Variants in CDK1 observed in about 807,000 individuals in gnomAD.
CDK1 encodes the protein cyclin-dependent kinase 1.
Under a neutral mutation model 34.6 loss-of-function variants are expected in CDK1, and 5 were observed. The ratio of observed to expected loss-of-function variants is 0.14; its 90% CI spans 0.08 to 0.30. The LOEUF (loss-of-function observed/expected upper bound fraction) is 0.30. Ranked by LOEUF, CDK1 falls within the 10% of genes least tolerant of loss-of-function variation. CDK1 has a pLI of 1.00. For missense variants in CDK1, 157 were observed against 345.7 expected (o/e 0.45, Z 4.33); for synonymous variants, 108 against 114.7 (o/e 0.94, Z 0.37).
At chr10:60,785,841 T>A in intron 4 of CDK1, 54 bp downstream of exon 4, 1 of 1,447,966 alleles carries the variant, frequency 6.9e-7, no homozygotes. Context: ...ATAAAGGGAC[T>A]ATATATAGAA....
chr10:60,782,452 G>A (rs1197099650), intron 2 of CDK1, among the ~76,000 whole-genome samples: 4 of 152,152 alleles, frequency 2.6e-5, no homozygotes, highest in Middle Eastern at 3.4e-3. Context: ...TCTGAGTGTT[G>A]TGATACTAAT....
rs1347883690 is a variant in CDK1 at position 60,778,500 on chromosome 10, C to T, written c.-96C>T. The T allele has an allele frequency of 1.3e-5, 2 of 152,446 alleles. No homozygotes were observed. The highest frequency in any genetic ancestry group is 2.9e-5 in the Non-Finnish European group (2 of 68,224). The allele number at this position is 152,446 out of a possible 1,614,324, so 9.4% of individuals were successfully genotyped here. On this transcript the variant is annotated 5_prime_UTR_variant, in exon 1 of 8. Transcript: ENST00000395284. ...CTCGCACTTGGCTTCAAAGCTGGCT[C>T]TTGGAAATTGAGCGGAGAGCGACGC...
In CDK1 at chr10:60,794,257, C is replaced by G. The variant is rs1022282603; in HGVS notation, c.*282C>G. On this transcript the variant is annotated 3_prime_UTR_variant, in exon 8 of 8. Transcript: ENST00000395284. ...GGAAAAAATTTGAGTTGGCTTAAAT[C>G]ATCTCAGTCCTTATGGCAGTTTTAT... The G allele has an allele frequency of 2.9e-5, 6 of 208,972 alleles. No individual in the cohort carries two copies. The South Asian group carries it at 9.7e-4, about 34-fold the overall frequency. The allele number at this position is 208,972 out of a possible 1,614,324, so 12.9% of individuals were successfully genotyped here.
intron 5 of CDK1, among the ~76,000 whole-genome samples, chr10:60,790,478 C>T (rs1394238042): frequency 6.6e-6 from 1 of 152,198 alleles, no homozygotes; most frequent in Non-Finnish European, 1.5e-5. Context: ...AACTCCTGGG[C>T]TCATGCAATC....
chr10:60,778,920 G>T (rs1011831013), intron 1 of CDK1, among the ~76,000 whole-genome samples: 1 of 152,202 alleles, frequency 6.6e-6, no homozygotes, highest in Non-Finnish European at 1.5e-5. Context: ...CACGCTGAGC[G>T]CCTGCGGAGT....
intron 2 of CDK1, among the ~76,000 whole-genome samples, chr10:60,781,684 G>C (rs2080274437): frequency 6.6e-6 from 1 of 152,150 alleles, no homozygotes; most frequent in Non-Finnish European, 1.5e-5. Flanking sequence ...TGTATCCTGT[G>C]ATTTGGCCTA....
chr10:60,785,630 CT>C (rs764281223), intron 3 of CDK1, 33 bp from the exon 4 acceptor site: 1 of 1,373,782 alleles, frequency 7.3e-7, no homozygotes, highest in East Asian at 2.3e-5. Context: ...AAAATGTTTG[CT>C]GGATTCTTCT....
chr10:60,784,304 A>G (rs1288379967), intron 2 of CDK1, among the ~76,000 whole-genome samples: 1 of 152,158 alleles, frequency 6.6e-6, no homozygotes, highest in Non-Finnish European at 1.5e-5. Flanking sequence ...CATTTCTATC[A>G]TGTGACCCTT....
At chr10:60,792,470 G>T (rs1375494301) in intron 7 of CDK1, among the ~76,000 whole-genome samples, 181 bp downstream of exon 7, 1 of 152,022 alleles carries the variant, frequency 6.6e-6, no homozygotes, top group Non-Finnish European at 1.5e-5. Flanking sequence ...TTGAGAGGAG[G>T]ATTTAGCATT....
intron 1 of CDK1, among the ~76,000 whole-genome samples, chr10:60,778,924 G>A (rs776730358): frequency 4.6e-5 from 7 of 152,202 alleles, no homozygotes; most frequent in Non-Finnish European, 8.8e-5. Context: ...CTGAGCGCCT[G>A]CGGAGTAGCA....
rs2080358637 is a variant in CDK1 at position 60,791,389 on chromosome 10, T to C, written c.490-501T>C. ...ATACTGCAACTTTGTTAATCAGTTC[T>C]AAGAGTTTTTGGTGGAGTCTTTTAA... On this transcript the variant is annotated intron_variant, in intron 5 of 7. Transcript: ENST00000395284. 2.0e-5 allele frequency among the ~76,000 whole-genome samples: 3 copies of C among 152,286 alleles called. No individual in the cohort carries two copies. The South Asian group carries it at 6.2e-4, about 32-fold the overall frequency.
At chr10:60,780,005 G>T in intron 1 of CDK1, 136 bp from the exon 2 acceptor site, 1 of 636,324 alleles carries the variant, frequency 1.6e-6, no homozygotes. Context: ...AATATTGTTT[G>T]AATGTAATTA....
At position 60,794,559 on chromosome 10, in the gene CDK1, A is replaced by C. The variant is rs774914349; in HGVS notation, c.*584A>C. ...TAACTTAAAAAGCTAACATGAGAGC[A>C]TGCCAAAATTTGCTAAGTCTTACAA... On this transcript the variant is annotated 3_prime_UTR_variant, in exon 8 of 8. Coordinates refer to ENST00000395284, the MANE Select transcript of CDK1 (RefSeq NM_001786.5). 1 of 152,190 alleles carries C rather than the reference A, an allele frequency of 6.6e-6. No homozygotes were observed. Among genetic ancestry groups the C allele is most frequent in the African/African-American group, 2.4e-5 (1 of 41,464 alleles). The allele number at this position is 152,190 out of a possible 1,614,324, so 9.4% of individuals were successfully genotyped here. A position where few individuals can be genotyped will look rare whatever the true frequency, so the allele number is the denominator to read the frequency against.
chr10:60,784,769 A>G lies in CDK1; in HGVS notation c.102A>G (p.Lys34=). ...CAGGTCAAGTGGTAGCCATGAAAAA[A>G]ATCAGACTAGAAAGTGAAGAGGAAG... ...KTTGQVVAMK[K]IRLESEEEGV... is the part of the protein sequence containing the mutation. The change falls in exon 3 of 8, where the codon AAA becomes AAG. Residue 34 remains lysine, a synonymous_variant. Transcript: ENST00000395284. The G allele has an allele frequency of 6.2e-7, 1 of 1,613,470 alleles. No homozygotes were observed. Among genetic ancestry groups the G allele is most frequent in the Non-Finnish European group, 8.5e-7 (1 of 1,179,398 alleles).
chr10:60,791,408 C>T (rs2080358776), intron 5 of CDK1, among the ~76,000 whole-genome samples: 1 of 152,008 alleles, frequency 6.6e-6, no homozygotes, highest in Non-Finnish European at 1.5e-5. Context: ...TTGGTGGAGT[C>T]TTTTAAGTTT....
At chr10:60,785,100 T>C (rs3213046) in intron 3 of CDK1, among the ~76,000 whole-genome samples, 41,538 of 152,034 alleles carry the variant, frequency 0.27, 5,998 homozygotes, top group Middle Eastern at 0.33. Flanking sequence ...AATAGCAAGG[T>C]AAATTGGCCA....
At chr10:60,785,838 G>C in intron 4 of CDK1, 51 bp downstream of exon 4, 1 of 1,492,512 alleles carries the variant, frequency 6.7e-7, no homozygotes, top group Non-Finnish European at 9.0e-7. Context: ...GATATAAAGG[G>C]ACTATATATA....
rs1238975393 is a variant in CDK1, at chr10:60,793,996, A to G, written c.*21A>G. The G allele has an allele frequency of 8.4e-7, 1 of 1,196,480 alleles. No homozygotes were observed. Among genetic ancestry groups the G allele is most frequent in the Non-Finnish European group, 1.2e-6 (1 of 842,176 alleles). The allele number at this position is 1,196,480 out of a possible 1,614,324, so 74.1% of individuals were successfully genotyped here. On this transcript the variant is annotated 3_prime_UTR_variant, in exon 8 of 8. Transcript: ENST00000395284. ...TGTAGCTTTCTGACAAAAAGTTTCC[A>G]TATGTTATATCAACAGATAGTTGTG...
intron 2 of CDK1, among the ~76,000 whole-genome samples, chr10:60,782,968 T>C (rs1367574394): frequency 6.6e-6 from 1 of 152,106 alleles, no homozygotes; most frequent in African/African-American, 2.4e-5. Flanking sequence ...TTAGATGAGA[T>C]TGTACACTTG....
Sources: gnomAD v4.1 joint callset for allele counts (sites outside exome capture counted in the v4.1 genomes callset) on GRCh38, gnomAD v4.1.1 for gene constraint, MANE v1.5 for transcripts, NCBI Gene and HGNC (gene_info 2026-07-23, HGNC 2026-07-21) for gene names.